Variants in WNT9A observed in about 807,000 individuals in gnomAD.
The protein encoded by WNT9A is Wnt family member 9A.
In WNT9A, 8 loss-of-function variants were observed where a neutral mutation model predicts 31.4. That is an observed-to-expected ratio of 0.26 (90% CI 0.15 to 0.46). The LOEUF is 0.46. WNT9A is among the 20% of genes least tolerant of loss of function. The pLI, the probability that WNT9A is intolerant of heterozygous loss-of-function variation, is 0.99. For missense variants in WNT9A, 457 were observed against 522.9 expected, an observed-to-expected ratio of 0.87 and a Z score of 1.23; for synonymous variants, 236 against 220.1, an observed-to-expected ratio of 1.07 and a Z score of -0.64.
intron 1 of WNT9A, among the ~76,000 whole-genome samples, chr1:227,946,217 G>A (rs958111217): frequency 2.0e-5 from 3 of 152,262 alleles, no homozygotes; most frequent in Admixed American, 6.5e-5. Context: ...CAAAGCAGCA[G>A]AGCCCCTTGA....
intron 3 of WNT9A, among the ~76,000 whole-genome samples, chr1:227,923,130 G>T (rs913296194): frequency 1.3e-5 from 2 of 152,130 alleles, no homozygotes; most frequent in Non-Finnish European, 2.9e-5. Context: ...CCAAGAAGGC[G>T]GAAGGAGGCA....
chr1:227,922,056 T>C (rs1666329240), intron 3 of WNT9A, 56 bp from the exon 4 acceptor site: 1 of 1,545,166 alleles, frequency 6.5e-7, no homozygotes, highest in Non-Finnish European at 8.7e-7. Context: ...GTGGGCCCAG[T>C]GAGCAGACCC....
At chr1:227,924,601 G>C (rs929518900) in intron 2 of WNT9A, among the ~76,000 whole-genome samples, 3 of 152,176 alleles carry the variant, frequency 2.0e-5, no homozygotes, top group Non-Finnish European at 4.4e-5. Context: ...GCGCAGGGCT[G>C]GCTGGGGGGA....
At chr1:227,943,711 C>T (rs1666750504) in intron 1 of WNT9A, among the ~76,000 whole-genome samples, 1 of 152,226 alleles carries the variant, frequency 6.6e-6, no homozygotes, top group Non-Finnish European at 1.5e-5. Flanking sequence ...AGCAAGGGCT[C>T]ACGCCTGTAA....
chr1:227,935,669 C>T (rs1666583037), intron 1 of WNT9A, among the ~76,000 whole-genome samples: 1 of 152,182 alleles, frequency 6.6e-6, no homozygotes, highest in Non-Finnish European at 1.5e-5. Context: ...TCAGTTTACC[C>T]TCTTGTCTCA....
intron 1 of WNT9A, among the ~76,000 whole-genome samples, chr1:227,938,272 A>G (rs1254485424): frequency 6.9e-6 from 1 of 145,708 alleles, no homozygotes; most frequent in Non-Finnish European, 1.5e-5. Flanking sequence ...CCCCCATACA[A>G]ACCCATAAAC....
rs1282186756 is a variant in WNT9A at position 227,921,197 on chromosome 1, G to A, written c.*321C>T. 1 of 332,508 alleles carries A rather than the reference G, an allele frequency of 3.0e-6. No individual in the cohort carries two copies. The highest frequency in any genetic ancestry group is 5.6e-6 in the Non-Finnish European group (1 of 177,640). The allele number at this position is 332,508 out of a possible 1,614,324, so 20.6% of individuals were successfully genotyped here. On this transcript the variant is annotated 3_prime_UTR_variant, in exon 4 of 4. Transcript: ENST00000272164. Reference sequence around the variant, plus strand: ...CTTGCAGGTGTACACTCCTCACACCGTGTGCAATGCCTGTGCCATGTGCAG... The same window carrying A: ...CTTGCAGGTGTACACTCCTCACACCATGTGCAATGCCTGTGCCATGTGCAG...
In WNT9A at chr1:227,924,333, C is replaced by T. The variant is rs8192630; in HGVS notation, c.420G>A (p.Ala140=). Residue 140 remains alanine, a synonymous_variant, in exon 3 of 4, where the codon GCG becomes GCA. Transcript: ENST00000272164. ...AGCGCTCCATGCGGCCCGCGCTGCA[C>T]GCCTTGGCCAGTGCGTGCGTCAGGC... is the stretch of plus-strand genomic sequence containing the variant. ...SAGLTHALAK[A]CSAGRMERCT... is the part of the protein sequence containing the mutation. 17,747 of 1,613,620 alleles carry T rather than the reference C, an allele frequency of 0.011. 136 individuals carry two copies. The highest frequency in any genetic ancestry group is 0.014 in the Middle Eastern group (83 of 6,060).
At chr1:227,931,438 G>A (rs1174274774) in intron 1 of WNT9A, among the ~76,000 whole-genome samples, 1 of 152,158 alleles carries the variant, frequency 6.6e-6, no homozygotes, top group Non-Finnish European at 1.5e-5. Context: ...TGTTTGTTCT[G>A]AAGAACTGGC....
At chr1:227,923,181 G>A (rs1666354721) in intron 3 of WNT9A, among the ~76,000 whole-genome samples, 1 of 152,114 alleles carries the variant, frequency 6.6e-6, no homozygotes, top group Admixed American at 6.5e-5. Flanking sequence ...TTAGTAAGTT[G>A]GTGATTGGGT....
intron 1 of WNT9A, among the ~76,000 whole-genome samples, chr1:227,937,434 C>T (rs955813068): frequency 2.0e-5 from 3 of 152,242 alleles, no homozygotes; most frequent in African/African-American, 2.4e-5. Flanking sequence ...CCACCAAATG[C>T]GTCTAACGCA....
intron 1 of WNT9A, among the ~76,000 whole-genome samples, chr1:227,939,279 G>A (rs1666653367): frequency 6.6e-6 from 1 of 152,316 alleles, no homozygotes; most frequent in Middle Eastern, 3.4e-3. Flanking sequence ...CTTGAGCCCT[G>A]GAAGCTGGCC....
intron 1 of WNT9A, 55 bp downstream of exon 1, chr1:227,947,737 GC>G: frequency 1.1e-6 from 1 of 941,418 alleles, no homozygotes; most frequent in Non-Finnish European, 1.3e-6. Flanking sequence ...GGACGACCCC[GC>G]CCCGGCCCCG....
Position 227,925,195 on chromosome 1 carries a change from G to C in WNT9A, c.352+68C>G. ...AGCGCAGCCTAAGAGGGGCCTCTTG[G>C]GATATGGACAAGGCCTGGGCTGCCA... On this transcript the variant is annotated intron_variant, in intron 2 of 3. Transcript: ENST00000272164. The surrounding 1 kb of genome is among the most constrained non-coding windows in gnomAD (Gnocchi z 6.0). The C allele has an allele frequency of 4.9e-6, 7 of 1,442,586 alleles. No homozygotes were observed. In the South Asian group the frequency reaches 1.0e-4, roughly 21 times the overall value. 89.4% of individuals were successfully genotyped at this position (1,442,586 alleles called of 1,614,324 possible).
chr1:227,938,514 C>G (rs550976163), intron 1 of WNT9A, among the ~76,000 whole-genome samples: 4 of 152,096 alleles, frequency 2.6e-5, no homozygotes, highest in Admixed American at 2.6e-4. Context: ...CACCCATACA[C>G]TCATGTGTAC....
rs923915475 is a variant in WNT9A at position 227,920,515 on chromosome 1, C to T, written c.*1003G>A. ...ATTTACTCCAAAGAGAAGTGCTCAA[C>T]GTCAGAGGTCGGCAGTGTCCCCCCG... On this transcript the variant is annotated 3_prime_UTR_variant, in exon 4 of 4. Transcript: ENST00000272164. 3.9e-5 allele frequency: 6 copies of T among 152,170 alleles called. No homozygotes were observed. Among genetic ancestry groups the T allele is most frequent in the African/African-American group, 1.4e-4 (6 of 41,432 alleles). 9.4% of individuals were successfully genotyped at this position (152,170 alleles called of 1,614,324 possible). A position where few individuals can be genotyped will look rare whatever the true frequency, so the allele number is the denominator to read the frequency against.
chr1:227,941,153 A>C (rs1666698345), intron 1 of WNT9A, among the ~76,000 whole-genome samples: 1 of 152,210 alleles, frequency 6.6e-6, no homozygotes, highest in Non-Finnish European at 1.5e-5. Context: ...GCCCTGCCAG[A>C]GTCAGAGTCC....
At chr1:227,933,945 A>G (rs553362940) in intron 1 of WNT9A, among the ~76,000 whole-genome samples, 36 of 152,190 alleles carry the variant, frequency 2.4e-4, no homozygotes, top group Non-Finnish European at 4.9e-4. Context: ...ATCACGCAGC[A>G]TTGACCTTTT....
At chr1:227,932,644 G>A (rs672907) in intron 1 of WNT9A, among the ~76,000 whole-genome samples, 80,002 of 152,112 alleles carry the variant, frequency 0.53, 21,270 homozygotes, top group African/African-American at 0.6. Context: ...GTCTTAAATA[G>A]TAAGACTTGA....
Sources: gnomAD v4.1 joint callset for allele counts (sites outside exome capture counted in the v4.1 genomes callset) on GRCh38, gnomAD v4.1.1 for gene constraint, Gnocchi (gnomAD v3.1) non-coding constraint, MANE v1.5 for transcripts, NCBI Gene and HGNC (gene_info 2026-07-23, HGNC 2026-07-21) for gene names.